The following KANK1 variants were observed in gnomAD, a reference collection of about 807,000 sequenced individuals.
KANK1 encodes KN motif and ankyrin repeat domain-containing protein 1.
In KANK1, 109 loss-of-function variants were observed where a neutral mutation model predicts 106.2. The observed-to-expected ratio is 1.03, with a 90% CI of 0.88 to 1.20. The LOEUF is 1.20. Among genes scored for constraint, KANK1 ranks in the 50% most tolerant of loss-of-function variants. The pLI is 0.00. For synonymous variants in KANK1, 873 were observed against 652.2 expected (o/e 1.34, Z -5.16); for missense variants, 2,399 against 1,710.7 (o/e 1.40, Z -7.10).
intron 1 of KANK1, among the ~76,000 whole-genome samples, chr9:521,627 T>C (rs1029742555): frequency 6.8e-6 from 1 of 147,454 alleles, no homozygotes; most frequent in Non-Finnish European, 1.5e-5. Flanking sequence ...AGTGCAATGG[T>C]GTGATCTTGG....
intron 3 of KANK1, among the ~76,000 whole-genome samples, chr9:714,808 C>G (rs151147424): frequency 1.1e-4 from 17 of 152,316 alleles, no homozygotes; most frequent in African/African-American, 4.1e-4. Flanking sequence ...GCCTTACCAA[C>G]CTGATTTTGC....
chr9:589,487 A>G (rs918954769), intron 1 of KANK1, among the ~76,000 whole-genome samples: 15 of 152,102 alleles, frequency 9.9e-5, no homozygotes, highest in Non-Finnish European at 1.9e-4. Flanking sequence ...ACTTAGATAT[A>G]CTAAAAGAGA....
At chr9:488,814 C>G (rs1046353809) in intron 3 of KANK1, 1 of 151,944 alleles carries the variant, frequency 6.6e-6, no homozygotes, top group Non-Finnish European at 1.5e-5. Flanking sequence ...GCTTTTGGGT[C>G]TGTATTTTAC....
intron 1 of KANK1, among the ~76,000 whole-genome samples, chr9:590,257 T>C (rs954611541): frequency 6.6e-6 from 1 of 152,172 alleles, no homozygotes; most frequent in African/African-American, 2.4e-5. Context: ...TGTGTTCTAA[T>C]AGCCTTTGTT....
chr9:577,571 A>G (rs769131009), intron 1 of KANK1, among the ~76,000 whole-genome samples: 1 of 152,196 alleles, frequency 6.6e-6, no homozygotes, highest in African/African-American at 2.4e-5. Context: ...TTCACCTCTC[A>G]GTATCATCTC....
intron 1 of KANK1, among the ~76,000 whole-genome samples, chr9:555,417 C>G (rs1191647195): frequency 6.6e-6 from 1 of 152,210 alleles, no homozygotes; most frequent in Non-Finnish European, 1.5e-5. Flanking sequence ...CTCTTCCACT[C>G]AGTCTGCTAT....
intron 1 of KANK1, among the ~76,000 whole-genome samples, chr9:525,519 G>C (rs1234121245): frequency 6.6e-6 from 1 of 151,206 alleles, no homozygotes. Flanking sequence ...AGCTGGGATT[G>C]CTGGGATGCG....
chr9:522,793 C>A (rs960365427), intron 1 of KANK1, among the ~76,000 whole-genome samples: 1 of 151,688 alleles, frequency 6.6e-6, no homozygotes. Context: ...CCTGTGCTCT[C>A]CTGACCACCA....
intron 2 of KANK1, chr9:680,863 T>C (rs1342920016): frequency 6.6e-6 from 1 of 152,324 alleles, no homozygotes; most frequent in Admixed American, 6.5e-5. Context: ...TTACCTCTTT[T>C]TCACCAGATC....
chr9:617,366 G>A (rs1367316394), intron 1 of KANK1, among the ~76,000 whole-genome samples: 2 of 152,116 alleles, frequency 1.3e-5, no homozygotes, highest in Non-Finnish European at 2.9e-5. Flanking sequence ...TGGGGAGGAG[G>A]GGGGTTGTGG....
intron 1 of KANK1, among the ~76,000 whole-genome samples, chr9:581,268 G>A (rs1179840177): frequency 6.6e-6 from 1 of 152,230 alleles, no homozygotes; most frequent in African/African-American, 2.4e-5. Flanking sequence ...GGCCAGAGGG[G>A]GCGCCGAGAG....
chr9:513,039 G>T (rs975437877), intron 1 of KANK1, among the ~76,000 whole-genome samples: 2 of 152,224 alleles, frequency 1.3e-5, no homozygotes, highest in Non-Finnish European at 2.9e-5. Context: ...CAGAAAAGCA[G>T]CTTCAAATGG....
At chr9:720,300 G>C (rs974543810) in intron 3 of KANK1, among the ~76,000 whole-genome samples, 1 of 152,214 alleles carries the variant, frequency 6.6e-6, no homozygotes, top group African/African-American at 2.4e-5. Context: ...ATCTAGACCA[G>C]AGTGCCAGAA....
In KANK1 at chr9:607,315, G is replaced by A. The variant is rs140860954; in HGVS notation, c.-83-69575G>A. On this transcript the variant is annotated intron_variant, in intron 1 of 11. Coordinates refer to ENST00000382297, the MANE Select transcript of KANK1 (RefSeq NM_015158.5). ...AGCCTGGCCAATATGGTGAGAACCC[G>A]TCTCTACTATAAATACAAAAATTAG... Among the ~76,000 whole-genome samples the A allele has an allele frequency of 2.7e-4, 41 of 151,486 alleles. 2 individuals carry two copies. The highest frequency in any genetic ancestry group is 7.3e-4 in the African/African-American group (30 of 40,960).
intron 3 of KANK1, chr9:484,570 C>T (rs1180912628): frequency 6.6e-6 from 1 of 152,168 alleles, no homozygotes; most frequent in African/African-American, 2.4e-5. Flanking sequence ...TTACCTCATC[C>T]CTCCTTTGAA....
At chr9:483,809 T>C (rs1345518794) in intron 3 of KANK1, among the ~76,000 whole-genome samples, 1 of 152,136 alleles carries the variant, frequency 6.6e-6, no homozygotes, top group Non-Finnish European at 1.5e-5. Context: ...GCTAGCTCTT[T>C]CAGAGATGTA....
chr9:576,604 G>A (rs186470503), intron 1 of KANK1, among the ~76,000 whole-genome samples: 5 of 152,280 alleles, frequency 3.3e-5, no homozygotes, highest in East Asian at 3.9e-4. Flanking sequence ...TGGCAATCAC[G>A]GAGACTTGAC....
At chr9:550,814 A>G (rs1385858930) in intron 1 of KANK1, among the ~76,000 whole-genome samples, 2 of 152,016 alleles carry the variant, frequency 1.3e-5, no homozygotes, top group South Asian at 2.1e-4. Context: ...ATTTCATCCT[A>G]TTTCTTTTTC....
At chr9:660,275 C>G (rs974719718) in intron 1 of KANK1, 3 of 235,172 alleles carry the variant, frequency 1.3e-5, no homozygotes, top group Admixed American at 8.1e-5. Flanking sequence ...GCCAGTTCCT[C>G]TTAGAGATTG....
Sources: allele counts gnomAD v4.1 joint callset (sites outside exome capture counted in the v4.1 genomes callset), GRCh38; gene constraint gnomAD v4.1.1; transcripts MANE v1.5; gene names NCBI Gene and HGNC (gene_info 2026-07-23, HGNC 2026-07-21).